Variants in ATRX observed in about 807,000 individuals in gnomAD.
The protein encoded by ATRX is chromatin remodeler ATRX.
In ATRX, 12 loss-of-function variants were observed where a neutral mutation model predicts 172.6. The observed-to-expected ratio is 0.07, with a 90% confidence interval of 0.04 to 0.11. The LOEUF is 0.11. Among genes scored for constraint, ATRX ranks in the 10% least tolerant of loss-of-function variants. ATRX has a pLI of 1.00. For synonymous variants in ATRX, 674 were observed against 594.7 expected (o/e 1.13, Z -1.94); for missense variants, 1,368 against 1,767.4 (o/e 0.77, Z 4.05).
At chrX:77,776,106 C>CT (rs782271193) in intron 1 of ATRX, among the ~76,000 whole-genome samples, 4 of 112,200 alleles carry the variant, frequency 3.6e-5, no homozygotes, top group Non-Finnish European at 1.9e-5. Flanking sequence ...AGTGAAATGT[C>CT]TTTGACTTGT....
intron 22 of ATRX, among the ~76,000 whole-genome samples, chrX:77,605,295 G>A (rs1306739302): frequency 9.0e-6 from 1 of 110,944 alleles, no homozygotes; most frequent in Admixed American, 9.6e-5. Flanking sequence ...AAGCATGGTG[G>A]TGGGCGCCTG....
In ATRX at chrX:77,696,720, G is replaced by T; in HGVS notation, c.243-16C>A. On this transcript the variant is annotated splice_polypyrimidine_tract_variant and intron_variant, in intron 4 of 34. Coordinates refer to ENST00000373344, the MANE Select transcript of ATRX (RefSeq NM_000489.6). ...TGAAGGTTTCCTATGAAAGAATTAA[G>T]TTCATAGAATTATGAATGTTTCTGA... 1 of 1,182,154 alleles carries T rather than the reference G, an allele frequency of 8.5e-7. No homozygotes were observed. The highest frequency in any genetic ancestry group is 1.1e-6 in the Non-Finnish European group (1 of 870,390).
intron 29 of ATRX, 99 bp downstream of exon 29, chrX:77,558,570 C>T: frequency 1.3e-6 from 1 of 791,534 alleles, no homozygotes; most frequent in Non-Finnish European, 1.8e-6. Context: ...GTATTTCCAA[C>T]TTTGTTTCCC....
chrX:77,707,768 G>A (rs1420614542), intron 2 of ATRX, among the ~76,000 whole-genome samples: 1 of 111,097 alleles, frequency 9.0e-6, no homozygotes, highest in African/African-American at 3.3e-5. Context: ...CTGGACAGAG[G>A]GTTTGAATAG....
At chrX:77,564,329 C>T (rs1458038050) in intron 28 of ATRX, among the ~76,000 whole-genome samples, 1 of 111,137 alleles carries the variant, frequency 9.0e-6, no homozygotes, top group Non-Finnish European at 1.9e-5. Context: ...ATGGGTAGGG[C>T]CCTCAGGATA....
chrX:77,662,492 T>A (rs2069965386), intron 12 of ATRX, among the ~76,000 whole-genome samples: 1 of 111,973 alleles, frequency 8.9e-6, no homozygotes, highest in Non-Finnish European at 1.9e-5. Context: ...TTCTACATAA[T>A]GTTTTATTTA....
In ATRX at chrX:77,698,602, G is replaced by A; in HGVS notation, c.161C>T (p.Ser54Phe). Reference sequence around the variant, plus strand: ...TTCCTTGCTGTTTTCCATCATATCAGAGTTACTTCCAGAACCACTGATTTT... The same window carrying A: ...TTCCTTGCTGTTTTCCATCATATCAAAGTTACTTCCAGAACCACTGATTTT... ...TDKISGSGSN[S>F]DMMENSKEEG... is the part of the protein sequence containing the mutation. The change falls in exon 3 of 35, where the codon TCT becomes TTT. Residue 54 changes from serine to phenylalanine, a missense_variant. Coordinates refer to ENST00000373344, the MANE Select transcript of ATRX (RefSeq NM_000489.6). 2 of 1,205,239 alleles carry A rather than the reference G, an allele frequency of 1.7e-6. No individual in the cohort carries two copies. Among genetic ancestry groups the A allele is most frequent in the East Asian group, 3.0e-5 (1 of 33,741 alleles).
At chrX:77,622,477 C>G (rs1271471812) in intron 19 of ATRX, among the ~76,000 whole-genome samples, 1 of 111,500 alleles carries the variant, frequency 9.0e-6, no homozygotes, top group Non-Finnish European at 1.9e-5. Context: ...GCACTGGGAG[C>G]TTGCTGGATC....
intron 25 of ATRX, chrX:77,594,212 T>C: frequency 7.5e-6 from 1 of 133,337 alleles, no homozygotes; most frequent in Non-Finnish European, 1.5e-5. Context: ...CACCAGGCCC[T>C]AAGAGAGTAA....
chrX:77,590,640 T>C (rs1443724005), intron 26 of ATRX, among the ~76,000 whole-genome samples: 2 of 103,213 alleles, frequency 1.9e-5, no homozygotes, highest in Non-Finnish European at 3.9e-5. Flanking sequence ...ACCTACACAA[T>C]GGTCTTAGCG....
chrX:77,621,197 T>C (rs932821317), intron 19 of ATRX, among the ~76,000 whole-genome samples: 3 of 112,419 alleles, frequency 2.7e-5, no homozygotes, highest in African/African-American at 9.7e-5. Flanking sequence ...CAACATTTTA[T>C]TACTATGGAA....
chrX:77,592,922 T>C (rs1557081765), intron 26 of ATRX, among the ~76,000 whole-genome samples: 1 of 108,690 alleles, frequency 9.2e-6, no homozygotes, highest in Non-Finnish European at 1.9e-5. Flanking sequence ...AAAGAATAAA[T>C]GATAAAGAAA....
chrX:77,577,771 C>G (rs1358027757), intron 27 of ATRX, among the ~76,000 whole-genome samples: 1 of 111,635 alleles, frequency 9.0e-6, no homozygotes, highest in Non-Finnish European at 1.9e-5. Flanking sequence ...CAGGGCAGTA[C>G]TGGGGAAGGA....
chrX:77,633,962 T>C (rs2068227067), intron 17 of ATRX: 2 of 339,393 alleles, frequency 5.9e-6, no homozygotes, highest in Admixed American at 5.0e-5. Flanking sequence ...CCCATACCAA[T>C]ACTAAGTCCT....
At chrX:77,743,036 C>T (rs1052360985) in intron 1 of ATRX, among the ~76,000 whole-genome samples, 3 of 110,750 alleles carry the variant, frequency 2.7e-5, no homozygotes, top group African/African-American at 3.3e-5. Flanking sequence ...TGAGTAGGGG[C>T]GGGGATGGGG....
chrX:77,684,334 C>T lies in ATRX; in HGVS notation c.922G>A (p.Val308Ile), dbSNP rs1557142610. 8.3e-7 allele frequency: 1 copy of T among 1,208,565 alleles called. No individual in the cohort carries two copies. The highest frequency in any genetic ancestry group is 1.1e-6 in the Non-Finnish European group (1 of 892,830). The change falls in exon 9 of 35, where the codon GTA (valine) becomes ATA (isoleucine). Residue 308 changes from valine (V) to isoleucine (I), a missense_variant. Coordinates refer to ENST00000373344, the MANE Select transcript of ATRX (RefSeq NM_000489.6). ...IKVDSEKSNK[V>I]YEHTSRFSPK... ...GAAAATCTGGATGTATGTTCATATA[C>T]TTTATTACTCTTTTCACTGTCAACT...
intron 1 of ATRX, among the ~76,000 whole-genome samples, chrX:77,783,724 G>GC (rs781786986): frequency 2.1e-3 from 230 of 112,019 alleles, no homozygotes; most frequent in African/African-American, 7.3e-3. Flanking sequence ...TTACCTGTCA[G>GC]ATTCTCCTTT....
intron 15 of ATRX, among the ~76,000 whole-genome samples, chrX:77,647,663 CTTTCAT>C (rs1262751119): frequency 1.8e-5 from 2 of 111,464 alleles, no homozygotes; most frequent in African/African-American, 6.5e-5. Context: ...AGATTTTTGC[CTTTCAT>C]TTTAAGTAAA....
chrX:77,723,469 T>A (rs1480112524), intron 1 of ATRX, among the ~76,000 whole-genome samples: 1 of 111,688 alleles, frequency 9.0e-6, no homozygotes, highest in East Asian at 2.8e-4. Flanking sequence ...TAACTAGAGA[T>A]CTTGTGTGGG....
Sources: allele counts gnomAD v4.1 joint callset (sites outside exome capture counted in the v4.1 genomes callset), GRCh38; gene constraint gnomAD v4.1.1; transcripts MANE v1.5; gene names NCBI Gene and HGNC (gene_info 2026-07-23, HGNC 2026-07-21).